Variants in SYNE2 observed in about 807,000 individuals in gnomAD.
The protein encoded by SYNE2 is nesprin-2.
A neutral mutation model predicts 856.3 loss-of-function variants in SYNE2; 431 were observed. The ratio of observed to expected loss-of-function variants is 0.50; its 90% CI spans 0.47 to 0.55. The LOEUF is 0.55. SYNE2 is among the 20% of genes least tolerant of loss of function. The pLI is 0.00. For synonymous variants in SYNE2, 2,923 were observed against 2,872.3 expected (o/e 1.02, Z -0.56); for missense variants, 8,129 against 8,023.2 (o/e 1.01, Z -0.50).
intron 7 of SYNE2, among the ~76,000 whole-genome samples, chr14:63,951,898 G>C (rs1483395206): frequency 1.3e-5 from 2 of 152,002 alleles, no homozygotes; most frequent in Non-Finnish European, 2.9e-5. Flanking sequence ...ATCTTTCTTA[G>C]TTTTCAACTG....
intron 6 of SYNE2, among the ~76,000 whole-genome samples, chr14:63,949,620 A>G (rs1228721897): frequency 6.6e-6 from 1 of 152,168 alleles, no homozygotes; most frequent in Non-Finnish European, 1.5e-5. Context: ...AGGGTAAGGA[A>G]TGACCCAAGT....
Position 64,031,196 on chromosome 14 carries a change from G to C in SYNE2, c.7060G>C (p.Glu2354Gln). ...GCTTGCATCTGCTAAGCAGGAGATG[G>C]AATGTTGTCTCAACAGCATTCTCAA... is the stretch of plus-strand genomic sequence containing the variant. ...NRLASAKQEMECCLNSILKSK... is the reference protein window; with the variant it reads ...NRLASAKQEMQCCLNSILKSK... Residue 2354 changes from glutamate (E) to glutamine (Q), a missense_variant, in exon 45 of 116, where the codon GAA (glutamate) becomes CAA (glutamine). Transcript: ENST00000555002. 6.2e-7 allele frequency: 1 copy of C among 1,614,172 alleles called. No homozygotes were observed. The highest frequency in any genetic ancestry group is 8.5e-7 in the Non-Finnish European group (1 of 1,180,032).
intron 1 of SYNE2, among the ~76,000 whole-genome samples, chr14:63,831,232 G>A (rs1285642960): frequency 2.0e-5 from 3 of 152,062 alleles, no homozygotes; most frequent in Admixed American, 6.6e-5. Context: ...TGGGTGGTAC[G>A]TATCTTCAGA....
At chr14:64,011,923 T>C (rs1160361651) in intron 32 of SYNE2, among the ~76,000 whole-genome samples, 1 of 152,180 alleles carries the variant, frequency 6.6e-6, no homozygotes, top group Non-Finnish European at 1.5e-5. Context: ...CATCGTTAGC[T>C]CCTCTGTGGC....
chr14:64,178,575 AG>A (rs1336035060), intron 96 of SYNE2, among the ~76,000 whole-genome samples: 1 of 149,732 alleles, frequency 6.7e-6, no homozygotes, highest in Non-Finnish European at 1.5e-5. Context: ...CTCCTACCTC[AG>A]CCCCCCCGAG....
intron 98 of SYNE2, among the ~76,000 whole-genome samples, chr14:64,189,311 G>T (rs891144381): frequency 6.6e-6 from 1 of 150,838 alleles, no homozygotes; most frequent in Admixed American, 6.6e-5. Context: ...ACCAGCCTGG[G>T]CAACAGAGCA....
chr14:64,135,563 A>G lies in SYNE2; in HGVS notation c.14646+1363A>G, dbSNP rs867159097. Among the ~76,000 whole-genome samples, 9 of 152,298 alleles carry G rather than the reference A, an allele frequency of 5.9e-5. No homozygotes were observed. The South Asian group carries it at 1.2e-3, about 21-fold the overall frequency. ...TCTAGGGATACAGAAGGTATCATCT[A>G]AACAGCTGAAAGAATGCAGATGAGA... On this transcript the variant is annotated intron_variant, in intron 78 of 115. Transcript: ENST00000555002.
At chr14:64,022,638 CT>C in intron 37 of SYNE2, 112 bp from the exon 38 acceptor site, 1 of 722,822 alleles carries the variant, frequency 1.4e-6, no homozygotes, top group East Asian at 2.7e-5. Flanking sequence ...GTTATTACCA[CT>C]TTCACAACGA....
Position 64,025,181 on chromosome 14 carries a change from G to T in SYNE2, c.6012G>T (p.Gly2004=), listed in dbSNP as rs2096968280. The T allele has an allele frequency of 6.2e-7, 1 of 1,614,114 alleles. No homozygotes were observed. The highest frequency in any genetic ancestry group is 8.5e-7 in the Non-Finnish European group (1 of 1,179,996). ...TGAACAACTCTTTGAAGGAATATGG[G>T]TTTACTGAAGAAGAAGAAATAATAA... The part of the protein sequence containing the change: ...AQLNNSLKEY[G]FTEEEEIIME... The change falls in exon 41 of 116, where the codon GGG becomes GGT. Residue 2004 remains glycine (G), a synonymous_variant. Transcript: ENST00000555002.
chr14:63,977,983 G>A lies in SYNE2; in HGVS notation c.1372G>A (p.Val458Ile). ...TAAGGATGAAAATCACTTGCCATTG[G>A]TACCACCTAACAAATTGGAGGAAAT... The part of the protein sequence containing the change: ...ENKDENHLPL[V>I]PPNKLEEMKR... The change falls in exon 13 of 116, where the codon GTA becomes ATA. Residue 458 changes from valine (V) to isoleucine (I), a missense_variant. By Grantham distance (29) the Val-to-Ile change is conservative. This residue lies in a region of SYNE2 where 2,422 missense variants were observed against 2,357.4 expected (regional missense o/e 1.03). Coordinates refer to ENST00000555002, the MANE Select transcript of SYNE2 (RefSeq NM_182914.3). 1 of 1,613,404 alleles carries A rather than the reference G, an allele frequency of 6.2e-7. No individual in the cohort carries two copies. Among genetic ancestry groups the A allele is most frequent in the East Asian group, 2.2e-5 (1 of 44,858 alleles).
rs1199055682 is a variant in SYNE2, at chr14:64,014,966, T to C, written c.4729-1507T>C. ...ATATATATATATATATATATATATA[T>C]ATATATATACACACACACACACACA... On this transcript the variant is annotated intron_variant, in intron 32 of 115. Coordinates refer to ENST00000555002, the MANE Select transcript of SYNE2 (RefSeq NM_182914.3). 6.2e-3 allele frequency among the ~76,000 whole-genome samples: 368 copies of C among 59,230 alleles called. 3 individuals carry two copies. Among genetic ancestry groups the C allele is most frequent in the African/African-American group, 0.017 (347 of 20,104 alleles). 38.9% of individuals were successfully genotyped at this position (59,230 alleles called of 152,430 possible).
At chr14:64,091,144 A>C in intron 60 of SYNE2, 96 bp downstream of exon 60, 1 of 1,148,874 alleles carries the variant, frequency 8.7e-7, no homozygotes. Flanking sequence ...TTATTATCCT[A>C]TTATTGTAGG....
chr14:63,802,846 C>A (rs1038680979), intron 1 of SYNE2, among the ~76,000 whole-genome samples: 1 of 151,594 alleles, frequency 6.6e-6, no homozygotes, highest in African/African-American at 2.4e-5. Flanking sequence ...TGGAGTTGTT[C>A]GTTCCTCCTG....
At position 64,025,353 on chromosome 14, in the gene SYNE2, G is replaced by A; in HGVS notation, c.6184G>A (p.Glu2062Lys). The change falls in exon 41 of 116, where the codon GAG (glutamate) becomes AAG (lysine). Residue 2062 changes from glutamate (E) to lysine (K), a missense_variant. By Grantham distance (56) the Glu-to-Lys change is moderately conservative. Coordinates refer to ENST00000555002, the MANE Select transcript of SYNE2 (RefSeq NM_182914.3). ...DVIHWIKEIK[E>K]SLMVLNSSEG... Reference sequence around the variant, plus strand: ...AATTCATTGGATAAAAGAGATTAAAGAGTCCCTTATGGTTTTGAATTCATC... The same window carrying A: ...AATTCATTGGATAAAAGAGATTAAAAAGTCCCTTATGGTTTTGAATTCATC... 2 of 1,613,992 alleles carry A rather than the reference G, an allele frequency of 1.2e-6. No homozygotes were observed. Among genetic ancestry groups the A allele is most frequent in the Non-Finnish European group, 1.7e-6 (2 of 1,179,970 alleles).
intron 90 of SYNE2, 96 bp from the exon 91 acceptor site, chr14:64,167,137 C>T (rs921745160): frequency 1.1e-5 from 17 of 1,525,210 alleles, no homozygotes; most frequent in Admixed American, 1.8e-5. Flanking sequence ...CTGTTCAGGC[C>T]CCAGTTTTCC....
At chr14:64,033,422 T>A in intron 45 of SYNE2, among the ~76,000 whole-genome samples, 1 of 152,014 alleles carries the variant, frequency 6.6e-6, no homozygotes, top group Admixed American at 6.5e-5. Context: ...CTCACAGCTG[T>A]AATCTCAGCA....
chr14:63,857,372 C>T (rs979627608), intron 1 of SYNE2, among the ~76,000 whole-genome samples: 2 of 152,134 alleles, frequency 1.3e-5, no homozygotes, highest in Middle Eastern at 3.2e-3. Context: ...TGTATCTTTT[C>T]ACCCATTGAT....
chr14:63,957,704 C>T (rs2096258346), intron 8 of SYNE2, among the ~76,000 whole-genome samples: 1 of 152,042 alleles, frequency 6.6e-6, no homozygotes. Flanking sequence ...CCTATCTCTA[C>T]TAAAAATACA....
At chr14:64,099,175 A>G (rs1312410213) in intron 63 of SYNE2, 2 of 304,328 alleles carry the variant, frequency 6.6e-6, no homozygotes, top group African/African-American at 4.4e-5. Context: ...CATTTCAATT[A>G]CTCTTTTGCT....
Sources: gnomAD v4.1 joint callset for allele counts (sites outside exome capture counted in the v4.1 genomes callset) on GRCh38, gnomAD v4.1.1 for gene constraint, gnomAD v4.1.1 regional missense constraint, MANE v1.5 for transcripts, NCBI Gene and HGNC (gene_info 2026-07-23, HGNC 2026-07-21) for gene names.